Variants in UBE3D observed in about 807,000 individuals in gnomAD.
The protein encoded by UBE3D is ubiquitin protein ligase E3D.
A neutral mutation model predicts 49.6 loss-of-function variants in UBE3D; 48 were observed. The observed-to-expected ratio is 0.97, with a 90% CI of 0.77 to 1.23. The LOEUF (loss-of-function observed/expected upper bound fraction) is 1.23. Among genes scored for constraint, UBE3D ranks in the 50% most tolerant of loss-of-function variants. The probability of loss-of-function intolerance (pLI) is 0.00; values close to 1 mark genes in which losing one functional copy is unlikely to be tolerated. For synonymous variants in UBE3D, 189 were observed against 174.2 expected, an observed-to-expected ratio of 1.08 and a Z score of -0.67; for missense variants, 452 against 468.4, an observed-to-expected ratio of 0.96 and a Z score of 0.32.
intron 8 of UBE3D, chr6:83,017,477 A>C (rs1024919476): frequency 3.3e-5 from 5 of 152,142 alleles, no homozygotes; most frequent in African/African-American, 7.2e-5. Context: ...ACAAAAAAAA[A>C]CCCAAGCCCT....
intron 9 of UBE3D, among the ~76,000 whole-genome samples, chr6:82,899,712 C>A (rs1771589804): frequency 6.6e-6 from 1 of 152,122 alleles, no homozygotes; most frequent in Non-Finnish European, 1.5e-5. Flanking sequence ...GCAAGTAGGT[C>A]CTACATGTGA....
Position 82,941,212 on chromosome 6 carries a change from T to A in UBE3D, c.1149+16100A>T, listed in dbSNP as rs561858713. Among the ~76,000 whole-genome samples the A allele has an allele frequency of 1.3e-3, 203 of 152,116 alleles. 1 individual carries two copies. The highest frequency in any genetic ancestry group is 0.01 in the Middle Eastern group (3 of 294). ...CAGAGCAAGACTATCTCCAAAAAAA[T>A]AAAAAACAATTACTTTAAAATGTCA... On this transcript the variant is annotated intron_variant, in intron 9 of 9. Transcript: ENST00000369747.
chr6:82,887,394 T>TGTTTTGTTTTGCTTTG (rs764187205), downstream of UBE3D, among the ~76,000 whole-genome samples: 1 of 131,414 alleles, frequency 7.6e-6, no homozygotes, highest in Non-Finnish European at 1.6e-5. Flanking sequence ...TAACAGTTTT[T>TGTTTTGTTTTGCTTTG]TTTTTTTTTT....
intron 9 of UBE3D, among the ~76,000 whole-genome samples, chr6:82,927,949 G>C (rs1235013221): frequency 6.6e-6 from 1 of 151,908 alleles, no homozygotes; most frequent in African/African-American, 2.4e-5. Context: ...AAACTACTCT[G>C]TATGATACTA....
chr6:82,988,186 T>A lies in UBE3D; in HGVS notation c.1011-30736A>T, dbSNP rs556540272. Among the ~76,000 whole-genome samples the A allele has an allele frequency of 3.9e-5, 6 of 152,326 alleles. No homozygotes were observed. In the South Asian group the frequency reaches 1.2e-3, roughly 32 times the overall value. ...ATACATTCCATATTTCAGACACGTT[T>A]CTTCTGGGGAAGGATAAAAGAGAAC... On this transcript the variant is annotated intron_variant, in intron 8 of 9. Coordinates refer to ENST00000369747, the MANE Select transcript of UBE3D (RefSeq NM_198920.3).
intron 3 of UBE3D, among the ~76,000 whole-genome samples, chr6:83,050,369 C>CT (rs1783392816): frequency 6.6e-6 from 1 of 152,100 alleles, no homozygotes; most frequent in Admixed American, 6.5e-5. Flanking sequence ...TCATAGCACT[C>CT]TAACAGGTTT....
intron 1 of UBE3D, among the ~76,000 whole-genome samples, chr6:83,064,472 C>T (rs1250890713): frequency 6.6e-6 from 1 of 152,102 alleles, no homozygotes; most frequent in Non-Finnish European, 1.5e-5. Flanking sequence ...GTGATCCGCC[C>T]GCCTCAGCCT....
At chr6:83,042,450 A>G (rs1341509023) in intron 4 of UBE3D, among the ~76,000 whole-genome samples, 2 of 152,218 alleles carry the variant, frequency 1.3e-5, no homozygotes, top group Middle Eastern at 3.2e-3. Flanking sequence ...AACATATTAT[A>G]GCACATAAAT....
rs568946592 is a variant in UBE3D at position 83,041,712 on chromosome 6, TAACAA to T, written c.597+2711_597+2715del. Among the ~76,000 whole-genome samples, 34 of 152,268 alleles carry T rather than the reference TAACAA, an allele frequency of 2.2e-4. No individual in the cohort carries two copies. In the East Asian group the frequency reaches 5.0e-3, roughly 22 times the overall value. ...AACAAAAAAGACACACTTATGGATT[TAACAA>T]AACAAATTACCAAAAGCAACTAATA... On this transcript the variant is annotated intron_variant, in intron 4 of 9. Coordinates refer to ENST00000369747, the MANE Select transcript of UBE3D (RefSeq NM_198920.3).
intron 8 of UBE3D, among the ~76,000 whole-genome samples, chr6:83,014,212 A>C (rs1486717722): frequency 6.6e-6 from 1 of 152,214 alleles, no homozygotes; most frequent in African/African-American, 2.4e-5. Context: ...GCACAGGCCA[A>C]ATAAGAGAGT....
chr6:82,985,622 A>T (rs1043457932), intron 8 of UBE3D, among the ~76,000 whole-genome samples: 1 of 152,216 alleles, frequency 6.6e-6, no homozygotes, highest in Non-Finnish European at 1.5e-5. Context: ...TCGGCCTCAC[A>T]AAGTGCTGGG....
intron 5 of UBE3D, among the ~76,000 whole-genome samples, chr6:83,035,361 A>G (rs1423187927): frequency 6.6e-6 from 1 of 152,078 alleles, no homozygotes; most frequent in East Asian, 1.9e-4. Context: ...CCTAGTTTAG[A>G]TGATTTATAT....
intron 9 of UBE3D, among the ~76,000 whole-genome samples, chr6:82,930,202 C>T (rs1032772889): frequency 1.3e-5 from 2 of 152,146 alleles, no homozygotes; most frequent in South Asian, 2.1e-4. Context: ...GCACATGTTC[C>T]ATTTCCCCTT....
At chr6:82,928,721 T>C (rs552930349) in intron 9 of UBE3D, among the ~76,000 whole-genome samples, 85 of 152,312 alleles carry the variant, frequency 5.6e-4, no homozygotes, top group Non-Finnish European at 6.2e-4. Flanking sequence ...TTTCAGATTA[T>C]GTATAAGGCA....
rs1784444526 is a variant in UBE3D, at chr6:83,065,658, C to T, written c.61G>A (p.Ala21Thr). 1.2e-6 allele frequency: 2 copies of T among 1,613,964 alleles called. No homozygotes were observed. The highest frequency in any genetic ancestry group is 1.7e-6 in the Non-Finnish European group (2 of 1,179,898). ...AGTTCTTACCCCAGGATCAGAAGCGCGCTCTGCAGCTGTCCCCGCACCTCC... is the reference window on the plus strand; with the variant it reads ...AGTTCTTACCCCAGGATCAGAAGCGTGCTCTGCAGCTGTCCCCGCACCTCC... Reference protein sequence around the residue: ...FLEVRGQLQSALLILGEPKEG... With the variant: ...FLEVRGQLQSTLLILGEPKEG... The change falls in exon 1 of 10, where the codon GCG becomes ACG. Residue 21 changes from alanine (A) to threonine (T), a missense_variant. Transcript: ENST00000369747.
intron 8 of UBE3D, among the ~76,000 whole-genome samples, chr6:83,000,961 C>T (rs1779591858): frequency 6.6e-6 from 1 of 152,148 alleles, no homozygotes; most frequent in South Asian, 2.1e-4. Flanking sequence ...TCTCCTGCCT[C>T]AGCCTCCTGA....
Position 82,939,385 on chromosome 6 carries a change from C to T in UBE3D, c.1149+17927G>A, listed in dbSNP as rs554921220. Reference sequence around the variant, plus strand: ...GAAAAACCCATACCACATCGTCTATCGTGGGTACATACAGTCATGAGCTGC... The same window carrying T: ...GAAAAACCCATACCACATCGTCTATTGTGGGTACATACAGTCATGAGCTGC... On this transcript the variant is annotated intron_variant, in intron 9 of 9. Transcript: ENST00000369747. 5.3e-5 allele frequency among the ~76,000 whole-genome samples: 8 copies of T among 152,270 alleles called. No homozygotes were observed. In the South Asian group the frequency reaches 8.3e-4, roughly 16 times the overall value.
At chr6:82,963,736 T>G (rs1208130443) in intron 8 of UBE3D, among the ~76,000 whole-genome samples, 1 of 152,126 alleles carries the variant, frequency 6.6e-6, no homozygotes, top group Non-Finnish European at 1.5e-5. Flanking sequence ...GTTAATCTCC[T>G]TCACAGACAC....
intron 9 of UBE3D, among the ~76,000 whole-genome samples, chr6:82,899,296 G>T (rs1204635838): frequency 6.6e-6 from 1 of 152,160 alleles, no homozygotes; most frequent in Non-Finnish European, 1.5e-5. Flanking sequence ...CAACAATTAT[G>T]TGTGTAAGGG....
Sources: allele counts gnomAD v4.1 joint callset (sites outside exome capture counted in the v4.1 genomes callset), GRCh38; gene constraint gnomAD v4.1.1; transcripts MANE v1.5; gene names NCBI Gene and HGNC (gene_info 2026-07-23, HGNC 2026-07-21).